Variants in AGAP1 observed in about 807,000 individuals in gnomAD.
The protein encoded by AGAP1 is ArfGAP with GTPase domain, ankyrin repeat and PH domain 1.
Under a neutral mutation model 105.3 loss-of-function variants are expected in AGAP1, and 29 were observed. The ratio of observed to expected loss-of-function variants is 0.28; its 90% CI spans 0.21 to 0.38. The LOEUF (loss-of-function observed/expected upper bound fraction) is 0.38, where lower values mean the gene tolerates loss of function less well. Among genes scored for constraint, AGAP1 ranks in the 10% least tolerant of loss-of-function variants. The probability of loss-of-function intolerance (pLI) is 1.00; values close to 1 mark genes in which losing one functional copy is unlikely to be tolerated. For missense variants in AGAP1, 998 were observed against 1,165.1 expected (o/e 0.86, Z 2.09); for synonymous variants, 509 against 485.9 (o/e 1.05, Z -0.63).
intron 9 of AGAP1, among the ~76,000 whole-genome samples, chr2:235,851,324 G>A (rs2048441366): frequency 6.6e-6 from 1 of 152,182 alleles, no homozygotes; most frequent in Non-Finnish European, 1.5e-5. Flanking sequence ...ATGGGGTTTG[G>A]GCTGGGAGGC....
At chr2:235,774,431 G>T (rs531541092) in intron 6 of AGAP1, 1 of 466,754 alleles carries the variant, frequency 2.1e-6, no homozygotes, top group Non-Finnish European at 4.4e-6. Flanking sequence ...ATCACGGCAG[G>T]CAGTCACTTT....
intron 1 of AGAP1, among the ~76,000 whole-genome samples, chr2:235,616,841 C>T (rs985178696): frequency 4.6e-5 from 7 of 152,174 alleles, no homozygotes; most frequent in Non-Finnish European, 8.8e-5. Flanking sequence ...ACTTAGGAAA[C>T]GTACTTTTTT....
At chr2:236,023,840 C>G (rs914660918) in intron 13 of AGAP1, among the ~76,000 whole-genome samples, 2 of 152,060 alleles carry the variant, frequency 1.3e-5, no homozygotes, top group African/African-American at 4.8e-5. Context: ...GCCTCAGGAG[C>G]CTGGATTTCA....
chr2:236,090,652 G>A lies in AGAP1; in HGVS notation c.2115-29540G>A, dbSNP rs2059034758. On this transcript the variant is annotated intron_variant, in intron 16 of 17. Transcript: ENST00000304032. The surrounding 1 kb of genome is among the most constrained non-coding windows in gnomAD (Gnocchi z 4.3). ...GATATTGAAAGCTAGCAGGGAGGGG[G>A]TCTTCCTGGTTATACGGCCCAGCTT... Among the ~76,000 whole-genome samples the A allele has an allele frequency of 6.6e-6, 1 of 152,272 alleles. No individual in the cohort carries two copies. The highest frequency in any genetic ancestry group is 1.9e-4 in the East Asian group (1 of 5,174).
rs1232746124 is a variant in AGAP1, at chr2:235,701,378, C to T, written c.164-7801C>T. ...AGAGCCTTGGAATTGCAGGCAGTGG[C>T]GTGGATGTACCTGCAGGGGTGGGCA... On this transcript the variant is annotated intron_variant, in intron 1 of 17. Coordinates refer to ENST00000304032, the MANE Select transcript of AGAP1 (RefSeq NM_001037131.3). This position sits in a 1 kb window ranked among gnomAD's most constrained non-coding sequence, Gnocchi z 4.1. 2.0e-5 allele frequency among the ~76,000 whole-genome samples: 3 copies of T among 151,694 alleles called. No individual in the cohort carries two copies. Among genetic ancestry groups the T allele is most frequent in the Non-Finnish European group, 4.4e-5 (3 of 67,916 alleles).
At position 235,753,210 on chromosome 2, in the gene AGAP1, C is replaced by T. The variant is rs1266326656; in HGVS notation, c.673+2722C>T. Among the ~76,000 whole-genome samples, 1 of 152,184 alleles carries T rather than the reference C, an allele frequency of 6.6e-6. No individual in the cohort carries two copies. ...CTCTGTGTTGGAAGCATTTCGTTTT[C>T]TTCAGGTTGGGGGTGGCAAGAGGAG... On this transcript the variant is annotated intron_variant, in intron 6 of 17. Transcript: ENST00000304032. The surrounding 1 kb of genome is among the most constrained non-coding windows in gnomAD (Gnocchi z 4.5).
intron 3 of AGAP1, chr2:235,718,342 G>A: frequency 6.1e-6 from 6 of 983,740 alleles, no homozygotes; most frequent in Non-Finnish European, 6.0e-6. Flanking sequence ...TGAATTTCTG[G>A]TTCCTTCTTT....
chr2:236,091,138 A>G (rs1274440703), intron 16 of AGAP1, among the ~76,000 whole-genome samples: 1 of 152,224 alleles, frequency 6.6e-6, no homozygotes, highest in Non-Finnish European at 1.5e-5. Flanking sequence ...GCGTGTTTGC[A>G]TATCTGCACG....
intron 6 of AGAP1, among the ~76,000 whole-genome samples, chr2:235,759,987 TA>T (rs1293683210): frequency 6.6e-6 from 1 of 152,198 alleles, no homozygotes; most frequent in East Asian, 1.9e-4. Context: ...GAAAAATTCT[TA>T]CCCTCATGAA....
At chr2:235,807,423 C>A in intron 9 of AGAP1, 92 bp downstream of exon 9, 1 of 1,109,876 alleles carries the variant, frequency 9.0e-7, no homozygotes, top group Non-Finnish European at 1.3e-6. Flanking sequence ...CAAGGTCTGT[C>A]TGATGTGCTC....
chr2:236,024,531 G>A (rs529988919), intron 13 of AGAP1, among the ~76,000 whole-genome samples: 26 of 152,242 alleles, frequency 1.7e-4, no homozygotes, highest in Admixed American at 2.0e-4. Flanking sequence ...GATGCCTCCT[G>A]TTGAAAGCAA....
intron 11 of AGAP1, among the ~76,000 whole-genome samples, chr2:235,929,059 G>T (rs76128840): frequency 0.15 from 22,363 of 152,166 alleles, 1,867 homozygotes; most frequent in South Asian, 0.27. Flanking sequence ...GGGCTTGGGG[G>T]CATGAGAAAC....
chr2:235,532,028 A>G (rs1299338829), intron 1 of AGAP1, among the ~76,000 whole-genome samples: 1 of 152,226 alleles, frequency 6.6e-6, no homozygotes, highest in African/African-American at 2.4e-5. Flanking sequence ...AGGAAAATAC[A>G]GGAGAAAAAG....
In AGAP1 at chr2:236,003,129, C is replaced by G. The variant is rs2056193010; in HGVS notation, c.1646-33432C>G. ...ACGGTCTCAGCTCTTACTGCAGCCTCTGCCTCCCAGGTTCAAGCAGTTCTT... is the reference window on the plus strand; with the variant it reads ...ACGGTCTCAGCTCTTACTGCAGCCTGTGCCTCCCAGGTTCAAGCAGTTCTT... On this transcript the variant is annotated intron_variant, in intron 13 of 17. Coordinates refer to ENST00000304032, the MANE Select transcript of AGAP1 (RefSeq NM_001037131.3). The surrounding 1 kb of genome is among the most constrained non-coding windows in gnomAD (Gnocchi z 4.2). Among the ~76,000 whole-genome samples, 1 of 152,236 alleles carries G rather than the reference C, an allele frequency of 6.6e-6. No individual in the cohort carries two copies. Among genetic ancestry groups the G allele is most frequent in the Non-Finnish European group, 1.5e-5 (1 of 68,046 alleles).
At chr2:235,806,491 C>T (rs1957840026) in intron 8 of AGAP1, among the ~76,000 whole-genome samples, 1 of 152,124 alleles carries the variant, frequency 6.6e-6, no homozygotes, top group African/African-American at 2.4e-5. Context: ...GTTGGGGCTT[C>T]CCTGGGTTAA....
chr2:236,124,357 A>C lies in AGAP1; in HGVS notation c.*235A>C. The C allele has an allele frequency of 1.1e-5, 6 of 566,418 alleles. No individual in the cohort carries two copies. Among genetic ancestry groups the C allele is most frequent in the East Asian group, 3.1e-5 (1 of 32,562 alleles). 35.1% of individuals were successfully genotyped at this position (566,418 alleles called of 1,614,324 possible). A position where few individuals can be genotyped will look rare whatever the true frequency, so the allele number is the denominator to read the frequency against. Reference sequence around the variant, plus strand: ...TGGCTCCTTTTCATAAACTCCCCTAAACCACACACAGGAGAGAGCGACGGG... The same window carrying C: ...TGGCTCCTTTTCATAAACTCCCCTACACCACACACAGGAGAGAGCGACGGG... On this transcript the variant is annotated 3_prime_UTR_variant, in exon 18 of 18. Transcript: ENST00000304032. This position sits in a 1 kb window ranked among gnomAD's most constrained non-coding sequence, Gnocchi z 5.1.
intron 1 of AGAP1, among the ~76,000 whole-genome samples, chr2:235,544,089 C>T (rs1030782165): frequency 4.6e-5 from 7 of 152,182 alleles, no homozygotes; most frequent in East Asian, 1.9e-4. Context: ...CAGAGCGATT[C>T]GTGGTGACAG....
chr2:236,065,813 T>C (rs1191936676), intron 16 of AGAP1, among the ~76,000 whole-genome samples: 1 of 152,242 alleles, frequency 6.6e-6, no homozygotes, highest in African/African-American at 2.4e-5. Flanking sequence ...CATCTAGCAC[T>C]GCTTTCAGCA....
intron 1 of AGAP1, among the ~76,000 whole-genome samples, chr2:235,580,290 A>T (rs1384565981): frequency 2.0e-5 from 3 of 152,020 alleles, no homozygotes; most frequent in Non-Finnish European, 4.4e-5. Context: ...TTGGAAAGGT[A>T]ATTGTATTTG....
Sources: allele counts gnomAD v4.1 joint callset (sites outside exome capture counted in the v4.1 genomes callset), GRCh38; gene constraint gnomAD v4.1.1; non-coding constraint Gnocchi (gnomAD v3.1); transcripts MANE v1.5; gene names NCBI Gene and HGNC (gene_info 2026-07-23, HGNC 2026-07-21).